The following RNF157 variants were observed in gnomAD, a reference collection of about 807,000 sequenced individuals.
RNF157 encodes the protein E3 ubiquitin ligase RNF157.
RNF157 carries 55 observed loss-of-function variants against 88.3 expected under a neutral mutation model. The observed-to-expected ratio is 0.62, with a 90% CI of 0.50 to 0.78. The LOEUF is 0.78. RNF157 is among the 30% of genes least tolerant of loss of function. The pLI, the probability that RNF157 is intolerant of heterozygous loss-of-function variation, is 0.00. For synonymous variants in RNF157, 334 were observed against 341.2 expected (o/e 0.98, Z 0.23); for missense variants, 788 against 860.8 (o/e 0.92, Z 1.06).
intron 2 of RNF157, among the ~76,000 whole-genome samples, chr17:76,210,316 G>A (rs968346113): frequency 2.6e-5 from 4 of 151,924 alleles, no homozygotes; most frequent in Non-Finnish European, 5.9e-5. Context: ...AGAACCCGCC[G>A]GGCGCAGTGG....
intron 1 of RNF157, chr17:76,226,665 C>G (rs1426761985): frequency 5.0e-6 from 8 of 1,612,268 alleles, no homozygotes; most frequent in Non-Finnish European, 6.8e-6. Flanking sequence ...CTGGAGAACC[C>G]ATGAGGTTTG....
rs1250661867 is a variant in RNF157 at position 76,202,128 on chromosome 17, T to TCTCA, written c.207+10235_207+10236insTGAG. Among the ~76,000 whole-genome samples, 1,220 of 134,646 alleles carry TCTCA rather than the reference T, an allele frequency of 9.1e-3. 6 individuals are homozygous for TCTCA. Among genetic ancestry groups the TCTCA allele is most frequent in the Admixed American group, 0.012 (169 of 13,676 alleles). The allele number at this position is 134,646 out of a possible 152,430, so 88.3% of individuals were successfully genotyped here. A position where few individuals can be genotyped will look rare whatever the true frequency, so the allele number is the denominator to read the frequency against. On this transcript the variant is annotated intron_variant, in intron 2 of 18. Coordinates refer to ENST00000269391, the MANE Select transcript of RNF157 (RefSeq NM_052916.3). ...ATCTCAGTTTCTCTCTCTCTCTCTCTCACACACACACACACACACACACAC... is the reference window on the plus strand; with the variant it reads ...ATCTCAGTTTCTCTCTCTCTCTCTCTCTCACACACACACACACACACACACACAC...
chr17:76,212,839 C>T (rs777036807), intron 1 of RNF157, among the ~76,000 whole-genome samples: 5 of 152,062 alleles, frequency 3.3e-5, no homozygotes, highest in South Asian at 2.1e-4. Context: ...CCAGTCTGGG[C>T]GACAGAGTGA....
intron 18 of RNF157, among the ~76,000 whole-genome samples, chr17:76,148,260 CCT>C (rs1491162677): frequency 2.2e-5 from 3 of 137,036 alleles, no homozygotes; most frequent in Non-Finnish European, 4.7e-5. Flanking sequence ...ATTATCTTTG[CCT>C]TTTTTTTTTT....
At chr17:76,156,898 A>G (rs1024370444) in intron 13 of RNF157, among the ~76,000 whole-genome samples, 1 of 151,824 alleles carries the variant, frequency 6.6e-6, no homozygotes, top group African/African-American at 2.4e-5. Context: ...CTGTATCTCC[A>G]TAATCCCTTC....
At chr17:76,238,681 A>C (rs940436942) in intron 1 of RNF157, among the ~76,000 whole-genome samples, 11 of 152,236 alleles carry the variant, frequency 7.2e-5, no homozygotes, top group Admixed American at 5.9e-4. Flanking sequence ...ATGTGGTTTA[A>C]GAAAAACAGA....
intron 1 of RNF157, among the ~76,000 whole-genome samples, chr17:76,214,656 T>G (rs1432535615): frequency 1.3e-5 from 2 of 152,188 alleles, no homozygotes; most frequent in African/African-American, 4.8e-5. Context: ...CCTCTCCACC[T>G]CAAATTCATT....
intron 2 of RNF157, among the ~76,000 whole-genome samples, chr17:76,199,688 C>T (rs549125643): frequency 1.4e-4 from 22 of 151,876 alleles, no homozygotes; most frequent in Admixed American, 1.2e-3. Flanking sequence ...GTGATCTCAA[C>T]GTGAAGTGTG....
chr17:76,156,611 GC>G, intron 13 of RNF157: 5 of 793,598 alleles, frequency 6.3e-6, no homozygotes, highest in African/African-American at 1.9e-5. Context: ...AGGTCACCCT[GC>G]AGCTGTGACA....
intron 1 of RNF157, among the ~76,000 whole-genome samples, chr17:76,225,481 T>C (rs923751620): frequency 1.3e-5 from 2 of 152,220 alleles, no homozygotes; most frequent in African/African-American, 4.8e-5. Flanking sequence ...TATACAAATA[T>C]GTCCAGGTCT....
intron 2 of RNF157, among the ~76,000 whole-genome samples, chr17:76,210,823 G>T (rs897311894): frequency 1.3e-5 from 2 of 150,864 alleles, no homozygotes; most frequent in Non-Finnish European, 3.0e-5. Context: ...TCTTTTTTTT[G>T]AAACAGAGTC....
At chr17:76,203,120 G>A (rs920497094) in intron 2 of RNF157, among the ~76,000 whole-genome samples, 7 of 151,552 alleles carry the variant, frequency 4.6e-5, no homozygotes, top group African/African-American at 1.7e-4. Context: ...CCTCCCAAGC[G>A]GCTGGGATTA....
chr17:76,219,952 T>C (rs1421953270), intron 1 of RNF157, among the ~76,000 whole-genome samples: 1 of 152,110 alleles, frequency 6.6e-6, no homozygotes, highest in African/African-American at 2.4e-5. Flanking sequence ...AAAGCCAAGG[T>C]TAAACAAAAA....
chr17:76,229,237 C>A (rs2070147565), intron 1 of RNF157, among the ~76,000 whole-genome samples: 1 of 152,194 alleles, frequency 6.6e-6, no homozygotes, highest in Admixed American at 6.5e-5. Context: ...AAGGGTTCAG[C>A]CCTCTCCTCT....
rs199656634 is a variant in RNF157, at chr17:76,161,514, G to A, written c.1065+21C>T. 48 of 1,570,228 alleles carry A rather than the reference G, an allele frequency of 3.1e-5. No homozygotes were observed. In the East Asian group the frequency reaches 5.4e-4, roughly 18 times the overall value. ...ATGAGGCATTTGCTTCAGAGGGGCC[G>A]TGGTTCCGAGCCCAACTTACTGGAT... is the stretch of plus-strand genomic sequence containing the variant. On this transcript the variant is annotated intron_variant, in intron 11 of 18. Transcript: ENST00000269391. The surrounding 1 kb of genome is among the most constrained non-coding windows in gnomAD (Gnocchi z 4.6).
chr17:76,192,017 T>C (rs1419523379), intron 2 of RNF157, among the ~76,000 whole-genome samples: 2 of 152,232 alleles, frequency 1.3e-5, no homozygotes, highest in African/African-American at 4.8e-5. Context: ...CTTTAAATGC[T>C]GAAAAAGTTA....
chr17:76,235,135 GT>G (rs2070259667), intron 1 of RNF157, among the ~76,000 whole-genome samples: 1 of 150,762 alleles, frequency 6.6e-6, no homozygotes, highest in South Asian at 2.1e-4. Flanking sequence ...TTTCAAAATT[GT>G]TTTGGATATT....
intron 2 of RNF157, among the ~76,000 whole-genome samples, chr17:76,177,873 G>A (rs1347787226): frequency 6.6e-6 from 1 of 152,128 alleles, no homozygotes; most frequent in Admixed American, 6.5e-5. Flanking sequence ...GCTGAGAGCT[G>A]CAGAGAAGAC....
intron 3 of RNF157, among the ~76,000 whole-genome samples, chr17:76,172,690 CTAA>C (rs2144877206): frequency 6.8e-6 from 1 of 146,176 alleles, no homozygotes; most frequent in Non-Finnish European, 1.5e-5. Flanking sequence ...CATTGTAATG[CTAA>C]TAAGGCTGTT....
Sources: gnomAD v4.1 joint callset for allele counts (sites outside exome capture counted in the v4.1 genomes callset) on GRCh38, gnomAD v4.1.1 for gene constraint, Gnocchi (gnomAD v3.1) non-coding constraint, MANE v1.5 for transcripts, NCBI Gene and HGNC (gene_info 2026-07-23, HGNC 2026-07-21) for gene names.